Variants in UNC13C observed in about 807,000 individuals in gnomAD.
The protein encoded by UNC13C is protein unc-13 homolog C.
Under a neutral mutation model 245.4 loss-of-function variants are expected in UNC13C, and 174 were observed. The observed-to-expected ratio is 0.71, with a 90% CI of 0.63 to 0.80. The LOEUF is 0.80. Ranked by LOEUF, UNC13C falls within the 30% of genes least tolerant of loss-of-function variation. UNC13C has a pLI of 0.00. For synonymous variants in UNC13C, 992 were observed against 895.1 expected (o/e 1.11, Z -1.93); for missense variants, 2,829 against 2,602.9 (o/e 1.09, Z -1.89).
chr15:54,098,200 A>C (rs1396433244), intron 2 of UNC13C, among the ~76,000 whole-genome samples: 2 of 151,984 alleles, frequency 1.3e-5, no homozygotes, highest in Non-Finnish European at 2.9e-5. Context: ...TTTGAGATGG[A>C]GTCTTGCTGT....
intron 17 of UNC13C, among the ~76,000 whole-genome samples, chr15:54,362,094 G>T (rs2039245849): frequency 1.3e-5 from 2 of 152,138 alleles, no homozygotes; most frequent in Non-Finnish European, 1.5e-5. Flanking sequence ...TCCTTACTGT[G>T]GCATCCATGC....
chr15:54,289,566 T>C (rs530945143), intron 10 of UNC13C, among the ~76,000 whole-genome samples: 2 of 152,082 alleles, frequency 1.3e-5, no homozygotes, highest in Non-Finnish European at 2.9e-5. Context: ...TATTCTTAGT[T>C]GCAAACAACA....
the UNC13C span, among the ~76,000 whole-genome samples, chr15:53,972,953 A>G: frequency 1.3e-5 from 2 of 152,136 alleles, no homozygotes; most frequent in Non-Finnish European, 2.9e-5. Flanking sequence ...TGTCTAATGT[A>G]CATAAGACAT....
intron 4 of UNC13C, among the ~76,000 whole-genome samples, chr15:54,177,392 A>G (rs1005588148): frequency 1.3e-5 from 2 of 152,132 alleles, no homozygotes; most frequent in African/African-American, 2.4e-5. Flanking sequence ...AGCTAAGGCA[A>G]TTTGCATACT....
intron 4 of UNC13C, among the ~76,000 whole-genome samples, chr15:54,153,346 A>T (rs2032608857): frequency 6.6e-6 from 1 of 152,110 alleles, no homozygotes; most frequent in Non-Finnish European, 1.5e-5. Flanking sequence ...ACTTTTTGAA[A>T]TATTGTAATA....
chr15:54,220,542 C>T (rs923746261), intron 4 of UNC13C, among the ~76,000 whole-genome samples: 5 of 151,490 alleles, frequency 3.3e-5, no homozygotes, highest in African/African-American at 9.7e-5. Context: ...CACATGTATA[C>T]ATATGTAACT....
At chr15:53,936,270 G>A in the UNC13C span, among the ~76,000 whole-genome samples, 1 of 152,106 alleles carries the variant, frequency 6.6e-6, no homozygotes, top group Non-Finnish European at 1.5e-5. Context: ...TGGCCAGACT[G>A]CTCCTTTAAG....
chr15:54,104,034 T>C (rs917069034), intron 2 of UNC13C, among the ~76,000 whole-genome samples: 10 of 152,222 alleles, frequency 6.6e-5, no homozygotes, highest in Admixed American at 2.0e-4. Flanking sequence ...TGAGCCACCA[T>C]GCCCGGCCAC....
intron 4 of UNC13C, among the ~76,000 whole-genome samples, chr15:54,203,881 CAT>C (rs906131637): frequency 3.5e-4 from 35 of 100,848 alleles, no homozygotes; most frequent in African/African-American, 9.4e-4. Context: ...GACATATACA[CAT>C]GTGTATATGT....
chr15:54,208,099 A>G (rs2034771215), intron 4 of UNC13C, among the ~76,000 whole-genome samples: 1 of 152,126 alleles, frequency 6.6e-6, no homozygotes, highest in African/African-American at 2.4e-5. Context: ...CAATCACAGT[A>G]GAAGGTGATG....
intron 26 of UNC13C, among the ~76,000 whole-genome samples, chr15:54,536,668 G>A (rs1895996122): frequency 6.6e-6 from 1 of 151,928 alleles, no homozygotes. Context: ...GATGCAAGGT[G>A]GTTTAACAGA....
At chr15:54,460,536 G>T (rs935137457) in intron 19 of UNC13C, among the ~76,000 whole-genome samples, 13 of 152,162 alleles carry the variant, frequency 8.5e-5, no homozygotes, top group African/African-American at 2.9e-4. Flanking sequence ...CCAGGAAGTG[G>T]CACTTTCAAG....
At chr15:53,957,879 T>C in the UNC13C span, among the ~76,000 whole-genome samples, 56 of 152,228 alleles carry the variant, frequency 3.7e-4, no homozygotes, top group Non-Finnish European at 6.9e-4. Flanking sequence ...GCTCATAGTC[T>C]AGAGGTTAAC....
At chr15:54,536,281 G>A (rs1381007579) in intron 26 of UNC13C, among the ~76,000 whole-genome samples, 1 of 151,872 alleles carries the variant, frequency 6.6e-6, no homozygotes, top group Non-Finnish European at 1.5e-5. Flanking sequence ...ATTGAACCAG[G>A]AAGAAATTGA....
intron 1 of UNC13C, among the ~76,000 whole-genome samples, chr15:53,990,701 A>G (rs1227059727): frequency 6.6e-6 from 1 of 151,898 alleles, no homozygotes; most frequent in African/African-American, 2.4e-5. Context: ...CACTTTGTTC[A>G]TTTACAATCA....
chr15:54,321,935 T>C lies in UNC13C; in HGVS notation c.4269-4T>C, dbSNP rs1006665452. On this transcript the variant is annotated splice_region_variant and splice_polypyrimidine_tract_variant and intron_variant, in intron 13 of 32. Coordinates refer to ENST00000260323, the MANE Select transcript of UNC13C (RefSeq NM_001080534.3). ...AAAAACACTTTATGTTTTTTGTCTT[T>C]CAGGCACTTTTCATGTCTGTCTTCT... The C allele has an allele frequency of 6.4e-7, 1 of 1,562,926 alleles. No homozygotes were observed. The highest frequency in any genetic ancestry group is 8.7e-7 in the Non-Finnish European group (1 of 1,153,138).
intron 19 of UNC13C, among the ~76,000 whole-genome samples, chr15:54,476,738 A>G (rs912157709): frequency 1.6e-4 from 24 of 149,340 alleles, no homozygotes; most frequent in African/African-American, 5.9e-4. Context: ...GAAGTCAGGT[A>G]GCATGATGCC....
At chr15:53,867,093 G>A in the UNC13C span, among the ~76,000 whole-genome samples, 1 of 152,108 alleles carries the variant, frequency 6.6e-6, no homozygotes, top group Non-Finnish European at 1.5e-5. Context: ...TAATTTAAAA[G>A]CAACATTTTA....
chr15:54,208,601 T>C (rs781309735), intron 4 of UNC13C, among the ~76,000 whole-genome samples: 2 of 152,088 alleles, frequency 1.3e-5, no homozygotes, highest in Non-Finnish European at 2.9e-5. Context: ...AAGTACATTA[T>C]GTGTATGATG....
Sources: allele counts gnomAD v4.1 joint callset (sites outside exome capture counted in the v4.1 genomes callset), GRCh38; gene constraint gnomAD v4.1.1; transcripts MANE v1.5; gene names NCBI Gene and HGNC (gene_info 2026-07-23, HGNC 2026-07-21).